RNGTT: variants seen among roughly 807,000 people sequenced by gnomAD.
RNGTT encodes RNA guanylyltransferase and 5'-phosphatase.
RNGTT carries 33 observed loss-of-function variants against 79.3 expected under a neutral mutation model. The ratio of observed to expected loss-of-function variants is 0.42; its 90% CI spans 0.32 to 0.56. The LOEUF (loss-of-function observed/expected upper bound fraction) is 0.56. Ranked by LOEUF, RNGTT falls within the 20% of genes least tolerant of loss-of-function variation. The pLI, the probability that RNGTT is intolerant of heterozygous loss-of-function variation, is 0.17. For missense variants in RNGTT, 497 were observed against 739.1 expected (o/e 0.67, Z 3.80); for synonymous variants, 222 against 235.9 (o/e 0.94, Z 0.54).
chr6:88,818,041 G>A (rs543379533), intron 11 of RNGTT, among the ~76,000 whole-genome samples: 1 of 151,708 alleles, frequency 6.6e-6, no homozygotes, highest in Non-Finnish European at 1.5e-5. Flanking sequence ...TTACAGGCGT[G>A]AGCCACCGCG....
At chr6:88,879,264 T>C (rs1233618628) in intron 8 of RNGTT, among the ~76,000 whole-genome samples, 8 of 152,068 alleles carry the variant, frequency 5.3e-5, no homozygotes, top group Admixed American at 1.3e-4. Flanking sequence ...TGTGGTGGCA[T>C]GCGCCTGTAG....
intron 13 of RNGTT, among the ~76,000 whole-genome samples, chr6:88,685,603 G>A (rs2127793032): frequency 6.6e-6 from 1 of 151,818 alleles, no homozygotes; most frequent in South Asian, 2.1e-4. Flanking sequence ...GAAAAAAGAA[G>A]CAAAGAAAAC....
At chr6:88,800,776 C>T (rs1461363191) in intron 12 of RNGTT, among the ~76,000 whole-genome samples, 2 of 152,212 alleles carry the variant, frequency 1.3e-5, no homozygotes, top group Non-Finnish European at 2.9e-5. Flanking sequence ...TCCTACAGAA[C>T]ATGGGTTATC....
intron 14 of RNGTT, among the ~76,000 whole-genome samples, chr6:88,619,727 A>G (rs1232922016): frequency 6.6e-6 from 1 of 152,192 alleles, no homozygotes; most frequent in Non-Finnish European, 1.5e-5. Flanking sequence ...TTCAAAATCT[A>G]CTTCTATAGT....
At chr6:88,926,944 G>A (rs758398630) in intron 4 of RNGTT, among the ~76,000 whole-genome samples, 1 of 152,098 alleles carries the variant, frequency 6.6e-6, no homozygotes, top group Non-Finnish European at 1.5e-5. Context: ...CAGGAAAGTT[G>A]CTGATGTTTT....
intron 11 of RNGTT, among the ~76,000 whole-genome samples, chr6:88,837,630 C>A (rs951212808): frequency 6.6e-6 from 1 of 151,892 alleles, no homozygotes; most frequent in Non-Finnish European, 1.5e-5. Context: ...CAAAGTAGGG[C>A]TTATCCCAGG....
At chr6:88,787,665 C>CA (rs59210363) in intron 12 of RNGTT, among the ~76,000 whole-genome samples, 287 of 133,146 alleles carry the variant, frequency 2.2e-3, no homozygotes, top group East Asian at 6.0e-3. Flanking sequence ...ATTTCAAAAA[C>CA]AAAAAAAAAA....
intron 13 of RNGTT, among the ~76,000 whole-genome samples, chr6:88,759,383 T>C (rs763703109): frequency 3.9e-5 from 6 of 152,174 alleles, no homozygotes; most frequent in Admixed American, 2.0e-4. Context: ...CTGGTTCTTT[T>C]TGGTGAGGAA....
intron 13 of RNGTT, among the ~76,000 whole-genome samples, chr6:88,708,452 T>A (rs1379813627): frequency 6.6e-6 from 1 of 152,080 alleles, no homozygotes; most frequent in East Asian, 1.9e-4. Flanking sequence ...CTAGATACTT[T>A]CCCACACCTT....
rs117418488 is a variant in RNGTT at position 88,781,182 on chromosome 6, A to C, written c.1339-11308T>G. The stretch of plus-strand genomic sequence containing the variant: ...CCTCTTTGCCTCTACTAACGTAATT[A>C]TTTTAAGCAAGTTCAAAGTGGGCTT... On this transcript the variant is annotated intron_variant, in intron 12 of 15. Transcript: ENST00000369485. Among the ~76,000 whole-genome samples the C allele has an allele frequency of 9.6e-3, 1,467 of 152,316 alleles. 9 individuals carry two copies. Among genetic ancestry groups the C allele is most frequent in the Non-Finnish European group, 0.013 (912 of 68,030 alleles).
chr6:88,885,740 C>A (rs913859435), intron 8 of RNGTT, among the ~76,000 whole-genome samples: 2 of 152,102 alleles, frequency 1.3e-5, no homozygotes, highest in Admixed American at 1.3e-4. Context: ...AAAGTACAAA[C>A]CAAAAATAAA....
At chr6:88,918,618 G>A (rs1784071412) in intron 4 of RNGTT, among the ~76,000 whole-genome samples, 1 of 152,050 alleles carries the variant, frequency 6.6e-6, no homozygotes, top group African/African-American at 2.4e-5. Flanking sequence ...AAAACAAAGA[G>A]ATCAGCCTTG....
chr6:88,762,814 A>G (rs1034248441), intron 13 of RNGTT, among the ~76,000 whole-genome samples: 4 of 152,242 alleles, frequency 2.6e-5, no homozygotes, highest in Admixed American at 6.5e-5. Context: ...AGCAACAGAG[A>G]GAGAACCTGA....
At chr6:88,859,288 GAT>G (rs1781935244) in intron 8 of RNGTT, among the ~76,000 whole-genome samples, 1 of 151,770 alleles carries the variant, frequency 6.6e-6, no homozygotes, top group South Asian at 2.1e-4. Context: ...AAACCCAGGA[GAT>G]ATATATAATA....
intron 8 of RNGTT, among the ~76,000 whole-genome samples, chr6:88,885,140 A>ACACACG (rs1491548257): frequency 1.3e-5 from 2 of 152,120 alleles, no homozygotes; most frequent in African/African-American, 4.8e-5. Flanking sequence ...ACACACACAC[A>ACACACG]TATTTCCTAG....
intron 14 of RNGTT, among the ~76,000 whole-genome samples, chr6:88,632,946 C>T (rs967978070): frequency 6.6e-6 from 1 of 152,196 alleles, no homozygotes; most frequent in Non-Finnish European, 1.5e-5. Context: ...ACAATGACTA[C>T]ACTGTAAAGA....
chr6:88,770,615 T>C (rs1303938523), intron 12 of RNGTT, among the ~76,000 whole-genome samples: 3 of 152,194 alleles, frequency 2.0e-5, no homozygotes, highest in Non-Finnish European at 2.9e-5. Flanking sequence ...AACATTTGTA[T>C]TGACATGTTT....
intron 12 of RNGTT, among the ~76,000 whole-genome samples, chr6:88,782,599 C>G (rs530344745): frequency 1.1e-4 from 16 of 152,182 alleles, no homozygotes; most frequent in Admixed American, 9.8e-4. Flanking sequence ...AAACAATGAA[C>G]AAAGTGAAAG....
At chr6:88,812,686 T>C (rs528358523) in intron 11 of RNGTT, among the ~76,000 whole-genome samples, 6 of 152,312 alleles carry the variant, frequency 3.9e-5, no homozygotes, top group Non-Finnish European at 5.9e-5. Context: ...TGAGACCAAC[T>C]GGAGAAGACA....
Sources: gnomAD v4.1 joint callset for allele counts (sites outside exome capture counted in the v4.1 genomes callset) on GRCh38, gnomAD v4.1.1 for gene constraint, MANE v1.5 for transcripts, NCBI Gene and HGNC (gene_info 2026-07-23, HGNC 2026-07-21) for gene names.